The following KCNK17 variants were observed in gnomAD, a reference collection of about 807,000 sequenced individuals.
KCNK17 encodes potassium channel subfamily K member 17.
In KCNK17, 27 loss-of-function variants were observed where a neutral mutation model predicts 24.6. The ratio of observed to expected loss-of-function variants is 1.10; its 90% CI spans 0.81 to 1.51. The LOEUF is 1.51. Among genes scored for constraint, KCNK17 ranks in the 40% most tolerant of loss-of-function variants. The probability of loss-of-function intolerance (pLI) is 0.00; values close to 1 mark genes in which losing one functional copy is unlikely to be tolerated. For synonymous variants in KCNK17, 181 were observed against 189.8 expected, an observed-to-expected ratio of 0.95 and a Z score of 0.38; for missense variants, 450 against 436.6, an observed-to-expected ratio of 1.03 and a Z score of -0.27.
intron 1 of KCNK17, 108 bp from the exon 2 acceptor site, chr6:39,311,115 C>T (rs1204643002): frequency 7.8e-6 from 4 of 510,294 alleles, no homozygotes; most frequent in Non-Finnish European, 1.4e-5. Flanking sequence ...CACACACACA[C>T]ACACAAACAA....
In KCNK17 at chr6:39,303,261, G is replaced by A. The variant is rs117546486; in HGVS notation, c.688+696C>T. On this transcript the variant is annotated intron_variant, in intron 4 of 4. Coordinates refer to ENST00000373231, the MANE Select transcript of KCNK17 (RefSeq NM_031460.4). ...GCATGAAGCCGCTTGAGGCTGGCGCGGTAGTGGTGCCAGCGGCACCTTCAG... is the reference window on the plus strand; with the variant it reads ...GCATGAAGCCGCTTGAGGCTGGCGCAGTAGTGGTGCCAGCGGCACCTTCAG... Among the ~76,000 whole-genome samples, 59 of 152,292 alleles carry A rather than the reference G, an allele frequency of 3.9e-4. No homozygotes were observed. In the East Asian group the frequency reaches 0.01, roughly 26 times the overall value.
chr6:39,300,125 G>GTT (rs2113833303), intron 4 of KCNK17, among the ~76,000 whole-genome samples: 1 of 152,290 alleles, frequency 6.6e-6, no homozygotes, highest in African/African-American at 2.4e-5. Flanking sequence ...CGTATTTTTT[G>GTT]TTTTGTTTTG....
At chr6:39,313,573 C>T (rs546372465) in intron 1 of KCNK17, among the ~76,000 whole-genome samples, 100 of 152,330 alleles carry the variant, frequency 6.6e-4, no homozygotes, top group Non-Finnish European at 9.7e-4. Flanking sequence ...TTAGACCCGG[C>T]GCCCCTGCCG....
At chr6:39,304,853 A>G (rs554055185) in intron 2 of KCNK17, among the ~76,000 whole-genome samples, 198 bp from the exon 3 acceptor site, 1 of 152,144 alleles carries the variant, frequency 6.6e-6, no homozygotes, top group African/African-American at 2.4e-5. Flanking sequence ...CCCTCAGTTC[A>G]CCCTCGAAAC....
At chr6:39,304,411 T>A in intron 3 of KCNK17, 84 bp downstream of exon 3, 1 of 1,262,528 alleles carries the variant, frequency 7.9e-7, no homozygotes, top group South Asian at 1.3e-5. Flanking sequence ...TGCTCCCACC[T>A]CTTGTCATTA....
At chr6:39,304,202 G>A (rs1475462276) in intron 3 of KCNK17, 71 bp from the exon 4 acceptor site, 2 of 1,468,712 alleles carry the variant, frequency 1.4e-6, no homozygotes, top group African/African-American at 1.4e-5. Flanking sequence ...GGGAGCTGGA[G>A]GCAGGCCAGA....
At chr6:39,306,138 G>A (rs1281097656) in intron 2 of KCNK17, among the ~76,000 whole-genome samples, 3 of 151,908 alleles carry the variant, frequency 2.0e-5, no homozygotes, top group African/African-American at 7.3e-5. Context: ...CCGCCTCCTG[G>A]GTTCAAGCTA....
In KCNK17 at chr6:39,303,981, C is replaced by A; in HGVS notation, c.664G>T (p.Val222Leu). The change falls in exon 4 of 5, where the codon GTG (valine) becomes TTG (leucine). Residue 222 changes from valine to leucine, a missense_variant. Physicochemically the swap from Val to Leu is conservative, Grantham distance 32. Coordinates refer to ENST00000373231, the MANE Select transcript of KCNK17 (RefSeq NM_031460.4). The part of the protein sequence containing the change: ...FYFAFITLST[V>L]GFGDYVIGMN... The stretch of plus-strand genomic sequence containing the variant: ...CCAATCACGTAGTCGCCGAAGCCCA[C>A]GGTGCTGAGGGTGATGAAGGCGAAG... 2 of 1,613,374 alleles carry A rather than the reference C, an allele frequency of 1.2e-6. No homozygotes were observed. Among genetic ancestry groups the A allele is most frequent in the Non-Finnish European group, 8.5e-7 (1 of 1,179,952 alleles).
chr6:39,299,119 G>A lies in KCNK17; in HGVS notation c.*308C>T, dbSNP rs142964332. ...CAGACTCTTCCTATCTTATTGTGCC[G>A]CTCAAACATTGCCGCTACTTCATGG... On this transcript the variant is annotated 3_prime_UTR_variant, in exon 5 of 5. Coordinates refer to ENST00000373231, the MANE Select transcript of KCNK17 (RefSeq NM_031460.4). 5.1e-5 allele frequency: 19 copies of A among 373,934 alleles called. No individual in the cohort carries two copies. Among genetic ancestry groups the A allele is most frequent in the Middle Eastern group, 7.7e-4 (1 of 1,304 alleles). The allele number at this position is 373,934 out of a possible 1,614,324, so 23.2% of individuals were successfully genotyped here. A position where few individuals can be genotyped will look rare whatever the true frequency, so the allele number is the denominator to read the frequency against.
At chr6:39,310,121 C>T (rs1762108002) in intron 2 of KCNK17, among the ~76,000 whole-genome samples, 1 of 152,142 alleles carries the variant, frequency 6.6e-6, no homozygotes, top group East Asian at 1.9e-4. Context: ...CAGCCTGCCA[C>T]CTGGTGGCAA....
intron 4 of KCNK17, among the ~76,000 whole-genome samples, chr6:39,303,198 G>C (rs1305511099): frequency 2.0e-5 from 3 of 152,174 alleles, no homozygotes; most frequent in Non-Finnish European, 4.4e-5. Flanking sequence ...GAAGGGCAAG[G>C]CCTCCTCCCC....
chr6:39,312,968 G>A (rs1213504773), intron 1 of KCNK17, among the ~76,000 whole-genome samples: 3 of 152,214 alleles, frequency 2.0e-5, no homozygotes, highest in African/African-American at 7.2e-5. Context: ...TCCGCTCCGC[G>A]CTGGGTCCCT....
At position 39,304,518 on chromosome 6, in the gene KCNK17, T is replaced by C. The variant is rs1762001698; in HGVS notation, c.490A>G (p.Ser164Gly). The C allele has an allele frequency of 6.2e-7, 1 of 1,613,730 alleles. No individual in the cohort carries two copies. The highest frequency in any genetic ancestry group is 1.3e-5 in the African/African-American group (1 of 75,028). Residue 164 changes from serine to glycine, a missense_variant, in exon 3 of 5, where the codon AGC becomes GGC. Ser to Gly is a moderately conservative substitution (Grantham distance 56). Transcript: ENST00000373231. ...LMQQGVNHWA[S>G]RLGGTWQDPD... ...ACCTGCCAGGTGCCCCCCAGCCTGC[T>C]GGCCCAGTGGTTTACTCCCTGCTGC...
intron 1 of KCNK17, among the ~76,000 whole-genome samples, chr6:39,313,467 C>T (rs866078302): frequency 2.6e-5 from 4 of 152,164 alleles, no homozygotes; most frequent in Non-Finnish European, 5.9e-5. Context: ...TGAGGGTGGC[C>T]CCGACCAGCA....
At chr6:39,301,264 A>G (rs1761946879) in intron 4 of KCNK17, among the ~76,000 whole-genome samples, 1 of 152,108 alleles carries the variant, frequency 6.6e-6, no homozygotes, top group African/African-American at 2.4e-5. Flanking sequence ...GGAATCATTC[A>G]AAGGGTAGAG....
At chr6:39,304,152 C>T (rs1225914513) in intron 3 of KCNK17, 21 bp from the exon 4 acceptor site, 9 of 1,601,624 alleles carry the variant, frequency 5.6e-6, no homozygotes, top group Non-Finnish European at 7.6e-6. Context: ...AACATTGTCC[C>T]CAGGCCTCCT....
chr6:39,314,363 GA>G lies in KCNK17; in HGVS notation c.-44del. ...GCCGGCGCCGGGAGCGGTGGACTAG[GA>G]CCCGGTGGGAGGGAAGGGCCAGGCG... On this transcript the variant is annotated 5_prime_UTR_variant, in exon 1 of 5. Coordinates refer to ENST00000373231, the MANE Select transcript of KCNK17 (RefSeq NM_031460.4). 3.8e-6 allele frequency: 5 copies of G among 1,319,996 alleles called. No homozygotes were observed. Among genetic ancestry groups the G allele is most frequent in the Non-Finnish European group, 4.9e-6 (5 of 1,014,834 alleles). The allele number at this position is 1,319,996 out of a possible 1,614,324, so 81.8% of individuals were successfully genotyped here. A position where few individuals can be genotyped will look rare whatever the true frequency, so the allele number is the denominator to read the frequency against.
intron 2 of KCNK17, 69 bp from the exon 3 acceptor site, chr6:39,304,724 C>T (rs1762007459): frequency 1.3e-6 from 2 of 1,534,786 alleles, no homozygotes; most frequent in South Asian, 2.3e-5. Context: ...CACAGCCCCA[C>T]TCCTGGGCCC....
At chr6:39,307,505 C>T (rs537535154) in intron 2 of KCNK17, among the ~76,000 whole-genome samples, 82 of 152,284 alleles carry the variant, frequency 5.4e-4, no homozygotes, top group African/African-American at 1.9e-3. Flanking sequence ...CAAGTTCCAT[C>T]ATCTGGTACT....
Sources: gnomAD v4.1 joint callset for allele counts (sites outside exome capture counted in the v4.1 genomes callset) on GRCh38, gnomAD v4.1.1 for gene constraint, MANE v1.5 for transcripts, NCBI Gene and HGNC (gene_info 2026-07-23, HGNC 2026-07-21) for gene names.